Variants in SOX6 observed in about 807,000 individuals in gnomAD.
SOX6 encodes the protein transcription factor SOX-6.
A neutral mutation model predicts 97.8 loss-of-function variants in SOX6; 11 were observed. The observed-to-expected ratio is 0.11, with a 90% confidence interval of 0.07 to 0.19. The LOEUF (loss-of-function observed/expected upper bound fraction) is 0.19. Ranked by LOEUF, SOX6 falls within the 10% of genes least tolerant of loss-of-function variation. The pLI is 1.00. For synonymous variants in SOX6, 360 were observed against 371.4 expected, an observed-to-expected ratio of 0.97 and a Z score of 0.35; for missense variants, 810 against 1,039.5, an observed-to-expected ratio of 0.78 and a Z score of 3.04.
rs576853597 is a variant in SOX6, at chr11:16,041,839, A to T, written c.1623+4675T>A. On this transcript the variant is annotated intron_variant, in intron 12 of 15. Transcript: ENST00000683767. ...AGAAATATGCATATCCTGACTTTGT[A>T]AGAAGCTGCCTGTTAGAATCTAACT... Among the ~76,000 whole-genome samples, 21 of 152,322 alleles carry T rather than the reference A, an allele frequency of 1.4e-4. No individual in the cohort carries two copies. The East Asian group carries it at 3.7e-3, about 27-fold the overall frequency.
At chr11:16,063,520 A>T (rs1166394179) in intron 9 of SOX6, among the ~76,000 whole-genome samples, 3 of 70,236 alleles carry the variant, frequency 4.3e-5, no homozygotes, top group African/African-American at 2.1e-4. Flanking sequence ...ATATATATAT[A>T]TATATATATA....
At chr11:16,361,841 T>C (rs1378134809) in intron 1 of SOX6, among the ~76,000 whole-genome samples, 2 of 152,242 alleles carry the variant, frequency 1.3e-5, no homozygotes, top group Non-Finnish European at 2.9e-5. Flanking sequence ...GATATATCTT[T>C]ACTTTTAAAT....
chr11:16,112,000 G>GGCT, intron 6 of SOX6, 77 bp from the exon 7 acceptor site: 1 of 1,583,976 alleles, frequency 6.3e-7, no homozygotes, highest in Non-Finnish European at 8.6e-7. Context: ...CACTCCTGGT[G>GGCT]GTGTGCTGGT....
intron 4 of SOX6, among the ~76,000 whole-genome samples, chr11:16,542,732 C>T (rs1861427272): frequency 6.6e-6 from 1 of 152,058 alleles, no homozygotes; most frequent in Non-Finnish European, 1.5e-5. Context: ...TTCTGTTGAG[C>T]TATAACAGAA....
At chr11:16,184,133 C>A (rs1339495886) in intron 5 of SOX6, among the ~76,000 whole-genome samples, 179 bp from the exon 6 acceptor site, 1 of 152,006 alleles carries the variant, frequency 6.6e-6, no homozygotes, top group East Asian at 1.9e-4. Flanking sequence ...TAAACAAGTG[C>A]CACCTCTCTG....
intron 4 of SOX6, among the ~76,000 whole-genome samples, chr11:16,587,686 G>A (rs1848109623): frequency 6.6e-6 from 1 of 152,196 alleles, no homozygotes; most frequent in South Asian, 2.1e-4. Flanking sequence ...GAACTAAGTT[G>A]TTAATGAAAA....
chr11:16,127,311 C>T (rs1163080663), intron 6 of SOX6, among the ~76,000 whole-genome samples: 1 of 151,926 alleles, frequency 6.6e-6, no homozygotes, highest in Admixed American at 6.6e-5. Flanking sequence ...GTTGTTTTTG[C>T]ACTCAAAATC....
intron 13 of SOX6, among the ~76,000 whole-genome samples, chr11:16,009,634 A>G (rs1854652095): frequency 1.3e-5 from 2 of 152,078 alleles, no homozygotes; most frequent in South Asian, 4.1e-4. Context: ...AGGCATTTGA[A>G]CAGATGTAAA....
intron 1 of SOX6, among the ~76,000 whole-genome samples, chr11:16,439,927 T>C (rs1390706129): frequency 6.6e-6 from 1 of 152,220 alleles, no homozygotes; most frequent in Non-Finnish European, 1.5e-5. Context: ...CTGGTATTTC[T>C]GAAGTGTCTA....
intron 13 of SOX6, among the ~76,000 whole-genome samples, chr11:16,000,593 A>AT (rs1310452638): frequency 7.5e-6 from 1 of 133,638 alleles, no homozygotes; most frequent in Non-Finnish European, 1.8e-5. Flanking sequence ...AAAGTTTAAT[A>AT]TCTTTGTTTT....
rs1411857070 is a variant in SOX6 at position 16,547,261 on chromosome 11, G to A, written n.609+64820C>T. On this transcript the variant is annotated intron_variant and non_coding_transcript_variant, in intron 4 of 5. Transcript: ENST00000524520. ...ATATCATCCAGCAATCTTGCCACTG[G>A]GTATTTTTCCAAAGGAAAGGAAATC... Among the ~76,000 whole-genome samples the A allele has an allele frequency of 2.0e-5, 3 of 151,956 alleles. No homozygotes were observed. In the East Asian group the frequency reaches 5.8e-4, roughly 29 times the overall value.
intron 2 of SOX6, among the ~76,000 whole-genome samples, chr11:16,728,960 G>A (rs894128955): frequency 8.5e-5 from 13 of 152,092 alleles, no homozygotes; most frequent in African/African-American, 1.4e-4. Flanking sequence ...CCAAACTGAC[G>A]AAGCAGAAGA....
chr11:16,462,460 CA>C (rs1251070159), intron 1 of SOX6, among the ~76,000 whole-genome samples: 1 of 152,176 alleles, frequency 6.6e-6, no homozygotes, highest in East Asian at 1.9e-4. Context: ...ATCACATCCA[CA>C]AAGTGTTTAC....
chr11:16,064,587 C>T (rs1848045767), intron 9 of SOX6, among the ~76,000 whole-genome samples: 1 of 151,210 alleles, frequency 6.6e-6, no homozygotes, highest in Admixed American at 6.6e-5. Context: ...CATATTACCT[C>T]TGATGAATAT....
intron 4 of SOX6, among the ~76,000 whole-genome samples, chr11:16,600,711 T>C (rs188208713): frequency 9.8e-5 from 15 of 152,312 alleles, no homozygotes; most frequent in Non-Finnish European, 1.8e-4. Flanking sequence ...CTAAACAAAA[T>C]AATTAACTGA....
At chr11:16,115,198 A>G (rs1849317094) in intron 6 of SOX6, among the ~76,000 whole-genome samples, 1 of 152,206 alleles carries the variant, frequency 6.6e-6, no homozygotes, top group Admixed American at 6.5e-5. Flanking sequence ...TAGAGTTGGA[A>G]TAGAACTTGG....
chr11:16,497,167 G>T (rs535525965), intron 4 of SOX6, among the ~76,000 whole-genome samples: 1 of 152,130 alleles, frequency 6.6e-6, no homozygotes, highest in African/African-American at 2.4e-5. Flanking sequence ...ACCAATATCC[G>T]CTGTTCTGCA....
At chr11:16,343,333 C>CA (rs1856690121) in intron 1 of SOX6, among the ~76,000 whole-genome samples, 1 of 151,854 alleles carries the variant, frequency 6.6e-6, no homozygotes, top group Non-Finnish European at 1.5e-5. Context: ...AGTCATGATC[C>CA]AAAAATCAGA....
chr11:16,666,507 T>C (rs1258615959), intron 3 of SOX6, among the ~76,000 whole-genome samples: 4 of 152,158 alleles, frequency 2.6e-5, no homozygotes, highest in Non-Finnish European at 1.5e-5. Context: ...AGACAGGCTA[T>C]TTGAAAATAT....
Sources: gnomAD v4.1 joint callset for allele counts (sites outside exome capture counted in the v4.1 genomes callset) on GRCh38, gnomAD v4.1.1 for gene constraint, MANE v1.5 for transcripts, NCBI Gene and HGNC (gene_info 2026-07-23, HGNC 2026-07-21) for gene names.